The following SSBP2 variants were observed in gnomAD, a reference collection of about 807,000 sequenced individuals.
SSBP2 encodes the protein single-stranded DNA-binding protein 2.
Under a neutral mutation model 61.8 loss-of-function variants are expected in SSBP2, and 17 were observed. The observed-to-expected ratio is 0.28, with a 90% CI of 0.19 to 0.41. The LOEUF is 0.41. Among genes scored for constraint, SSBP2 ranks in the 10% least tolerant of loss-of-function variants. The probability of loss-of-function intolerance (pLI) is 1.00; values close to 1 mark genes in which losing one functional copy is unlikely to be tolerated. For missense variants in SSBP2, 310 were observed against 458.7 expected (o/e 0.68, Z 2.96); for synonymous variants, 139 against 141.3 (o/e 0.98, Z 0.12).
Position 81,477,428 on chromosome 5 carries a change from T to C in SSBP2, c.433-2866A>G, listed in dbSNP as rs535278008. Among the ~76,000 whole-genome samples, 9 of 152,334 alleles carry C rather than the reference T, an allele frequency of 5.9e-5. No individual in the cohort carries two copies. In the South Asian group the frequency reaches 1.7e-3, roughly 28 times the overall value. On this transcript the variant is annotated intron_variant, in intron 6 of 16. Coordinates refer to ENST00000320672, the MANE Select transcript of SSBP2 (RefSeq NM_012446.5). Reference sequence around the variant, plus strand: ...TGATACTTCAGGATTATTTTTAGTGTTCTTCCTTTCTAGGTTTGTAAGTAT... The same window carrying C: ...TGATACTTCAGGATTATTTTTAGTGCTCTTCCTTTCTAGGTTTGTAAGTAT...
intron 4 of SSBP2, among the ~76,000 whole-genome samples, chr5:81,537,999 A>T (rs1049129698): frequency 2.0e-5 from 3 of 152,166 alleles, no homozygotes; most frequent in Non-Finnish European, 2.9e-5. Context: ...TAAGTGTTTC[A>T]AGTAAAAGGA....
At chr5:81,440,720 G>A in intron 13 of SSBP2, 84 bp from the exon 14 acceptor site, 1 of 955,394 alleles carries the variant, frequency 1.0e-6, no homozygotes, top group Non-Finnish European at 1.6e-6. Context: ...AACATTACAA[G>A]ACACTGCCAC....
At chr5:81,438,288 T>C (rs1173809795) in intron 14 of SSBP2, among the ~76,000 whole-genome samples, 5 of 150,590 alleles carry the variant, frequency 3.3e-5, no homozygotes, top group African/African-American at 9.8e-5. Context: ...GAGGCAGAGG[T>C]TGCAGTGAGC....
In SSBP2 at chr5:81,446,878, A is replaced by T. The variant is rs1351977763; in HGVS notation, c.768T>A (p.Pro256=). The T allele has an allele frequency of 1.9e-6, 3 of 1,609,028 alleles. No homozygotes were observed. The African/African-American group carries it at 4.0e-5, about 22-fold the overall frequency. ...GTTTGATTACAATACCTGCTGGACTAGGCATGATGGGTGTTCCTGGTGGCC... is the reference window on the plus strand; with the variant it reads ...GTTTGATTACAATACCTGCTGGACTTGGCATGATGGGTGTTCCTGGTGGCC... The change falls in exon 12 of 17, where the codon CCT becomes CCA. Residue 256 remains proline, a synonymous_variant. Coordinates refer to ENST00000320672, the MANE Select transcript of SSBP2 (RefSeq NM_012446.5).
intron 1 of SSBP2, among the ~76,000 whole-genome samples, chr5:81,732,368 C>A (rs1184158907): frequency 6.6e-6 from 1 of 152,120 alleles, no homozygotes; most frequent in Non-Finnish European, 1.5e-5. Flanking sequence ...TGGATTCCAA[C>A]ACATCCAATA....
At chr5:81,535,908 A>G (rs1357195794) in intron 4 of SSBP2, among the ~76,000 whole-genome samples, 2 of 152,180 alleles carry the variant, frequency 1.3e-5, no homozygotes. Context: ...CTTCATTAGA[A>G]TTAAAAAACT....
chr5:81,473,243 T>A (rs1561441645), intron 8 of SSBP2, among the ~76,000 whole-genome samples: 1 of 152,218 alleles, frequency 6.6e-6, no homozygotes, highest in Admixed American at 6.5e-5. Flanking sequence ...GTTTTATTAT[T>A]CATTTATTTA....
At position 81,474,479 on chromosome 5, in the gene SSBP2, T is replaced by C. The variant is rs765705641; in HGVS notation, c.499+17A>G. The C allele has an allele frequency of 5.0e-6, 8 of 1,610,420 alleles. No individual in the cohort carries two copies. The highest frequency in any genetic ancestry group is 8.5e-7 in the Non-Finnish European group (1 of 1,177,448). The stretch of plus-strand genomic sequence containing the variant: ...TGGTTCTGCACATCAATTTTCCTTT[T>C]ACTTTAGAGTAGTCACCTTGTTGTC... On this transcript the variant is annotated intron_variant, in intron 7 of 16. Coordinates refer to ENST00000320672, the MANE Select transcript of SSBP2 (RefSeq NM_012446.5).
chr5:81,613,406 A>G (rs1056692429), intron 4 of SSBP2, among the ~76,000 whole-genome samples: 25 of 152,318 alleles, frequency 1.6e-4, no homozygotes, highest in African/African-American at 5.1e-4. Flanking sequence ...TCTAAAGCTA[A>G]TAAGTGTGAA....
intron 1 of SSBP2, among the ~76,000 whole-genome samples, chr5:81,660,741 A>C (rs529731842): frequency 6.6e-6 from 1 of 152,336 alleles, no homozygotes; most frequent in African/African-American, 2.4e-5. Flanking sequence ...ACAATAGCAA[A>C]GACCTGGAAC....
At chr5:81,500,085 CT>C (rs1257248841) in intron 5 of SSBP2, among the ~76,000 whole-genome samples, 1 of 152,076 alleles carries the variant, frequency 6.6e-6, no homozygotes, top group Non-Finnish European at 1.5e-5. Flanking sequence ...GTTTTTACTT[CT>C]TTAGGAATGA....
chr5:81,628,462 A>C (rs924710652), intron 3 of SSBP2, among the ~76,000 whole-genome samples: 1 of 152,242 alleles, frequency 6.6e-6, no homozygotes, highest in Non-Finnish European at 1.5e-5. Flanking sequence ...GCATCATATC[A>C]AGAGCTATAG....
At chr5:81,427,464 T>A (rs1385501111) in intron 16 of SSBP2, among the ~76,000 whole-genome samples, 1 of 152,046 alleles carries the variant, frequency 6.6e-6, no homozygotes, top group East Asian at 1.9e-4. Context: ...CCTGCAAAGG[T>A]CCCATGTGGA....
At position 81,577,141 on chromosome 5, in the gene SSBP2, G is replaced by A. The variant is rs193002356; in HGVS notation, c.282+38332C>T. 6.6e-4 allele frequency among the ~76,000 whole-genome samples: 100 copies of A among 152,096 alleles called. 1 individual carries two copies. Among genetic ancestry groups the A allele is most frequent in the African/African-American group, 1.7e-3 (70 of 41,536 alleles). On this transcript the variant is annotated intron_variant, in intron 4 of 16. Coordinates refer to ENST00000320672, the MANE Select transcript of SSBP2 (RefSeq NM_012446.5). The stretch of plus-strand genomic sequence containing the variant: ...TTTACATGTATAGGTTATATGAGCC[G>A]TGTGTAATCAATGTGCAGATTTATG...
In SSBP2 at chr5:81,736,243, C is replaced by T. The variant is rs370808718; in HGVS notation, c.62+14738G>A. Among the ~76,000 whole-genome samples the T allele has an allele frequency of 2.0e-3, 300 of 151,886 alleles. 2 individuals are homozygous for T. Among genetic ancestry groups the T allele is most frequent in the African/African-American group, 7.1e-3 (292 of 41,376 alleles). The stretch of plus-strand genomic sequence containing the variant: ...TAGAAACTATCACAGCCTCACTGGA[C>T]TTCTTCCAAGCACAAAATTGGCGCT... On this transcript the variant is annotated intron_variant, in intron 1 of 16. Transcript: ENST00000320672.
intron 4 of SSBP2, among the ~76,000 whole-genome samples, chr5:81,575,016 T>A (rs1228305668): frequency 2.6e-5 from 4 of 152,168 alleles, no homozygotes; most frequent in Non-Finnish European, 4.4e-5. Context: ...ATGCTTGTAA[T>A]CCCAGCACTT....
intron 5 of SSBP2, among the ~76,000 whole-genome samples, chr5:81,492,046 GA>G (rs1766895893): frequency 6.6e-6 from 1 of 152,172 alleles, no homozygotes; most frequent in Non-Finnish European, 1.5e-5. Context: ...TCACTATTCA[GA>G]AGTCAATTTG....
intron 16 of SSBP2, among the ~76,000 whole-genome samples, chr5:81,422,942 G>A (rs1050488733): frequency 1.4e-4 from 22 of 152,122 alleles, no homozygotes; most frequent in South Asian, 6.2e-4. Context: ...GTGATTCCAC[G>A]TCTCACATTA....
At chr5:81,695,907 A>C (rs891686898) in intron 1 of SSBP2, among the ~76,000 whole-genome samples, 1 of 152,208 alleles carries the variant, frequency 6.6e-6, no homozygotes, top group Non-Finnish European at 1.5e-5. Flanking sequence ...TCTAATACTT[A>C]TCAGAAAATT....
Sources: allele counts gnomAD v4.1 joint callset (sites outside exome capture counted in the v4.1 genomes callset), GRCh38; gene constraint gnomAD v4.1.1; transcripts MANE v1.5; gene names NCBI Gene and HGNC (gene_info 2026-07-23, HGNC 2026-07-21).